SMO: variants seen among roughly 807,000 people sequenced by gnomAD.
SMO encodes the protein protein smoothened.
A neutral mutation model predicts 81.6 loss-of-function variants in SMO; 40 were observed. That is an observed-to-expected ratio of 0.49 (90% CI 0.38 to 0.64). SMO has a LOEUF of 0.64. Ranked by LOEUF, SMO falls within the 30% of genes least tolerant of loss-of-function variation. The probability of loss-of-function intolerance (pLI) is 0.00; values close to 1 mark genes in which losing one functional copy is unlikely to be tolerated. For missense variants in SMO, 916 were observed against 1,061.1 expected (o/e 0.86, Z 1.90); for synonymous variants, 434 against 432.1 (o/e 1.00, Z -0.05).
intron 1 of SMO, among the ~76,000 whole-genome samples, chr7:129,193,795 T>A (rs1423106377): frequency 1.2e-3 from 99 of 82,386 alleles, no homozygotes; most frequent in East Asian, 2.2e-3. Context: ...AATATATATA[T>A]ATATATATAT....
At position 129,203,534 on chromosome 7, in the gene SMO, G is replaced by A. The variant is rs773562190; in HGVS notation, c.482G>A (p.Arg161Gln). The A allele has an allele frequency of 4.4e-5, 70 of 1,606,440 alleles. No individual in the cohort carries two copies. Among genetic ancestry groups the A allele is most frequent in the Non-Finnish European group, 5.9e-5 (70 of 1,179,650 alleles). Residue 161 changes from arginine to glutamine, a missense_variant, in exon 2 of 12, where the codon CGG becomes CAG. Arg to Gln is a conservative substitution (Grantham distance 43). Around this residue, in one of 4 missense-constraint regions of SMO, gnomAD observed 436 missense variants for 570.9 expected, o/e 0.76. Coordinates refer to ENST00000249373, the MANE Select transcript of SMO (RefSeq NM_005631.5). The part of the protein sequence containing the change: ...RGPCAIVERE[R>Q]GWPDFLRCTP... ...CCCTGTGCCATCGTGGAGAGGGAGCGGGGCTGGCCTGACTTCCTGCGCTGC... is the reference window on the plus strand; with the variant it reads ...CCCTGTGCCATCGTGGAGAGGGAGCAGGGCTGGCCTGACTTCCTGCGCTGC...
Position 129,212,265 on chromosome 7 carries a change from A to T in SMO, c.2178A>T (p.Arg726=), listed in dbSNP as rs2150656942. 6.2e-7 allele frequency: 1 copy of T among 1,610,560 alleles called. No homozygotes were observed. Among genetic ancestry groups the T allele is most frequent in the African/African-American group, 1.3e-5 (1 of 74,982 alleles). ...AGAWGAGDSC[R]QGAWTLVSNP... ...CCTGGGGAGCTGGGGACTCTTGCCG[A>T]CAGGGAGCGTGGACCCTGGTCTCCA... The change falls in exon 12 of 12, where the codon CGA becomes CGT. Residue 726 remains arginine, a synonymous_variant. Transcript: ENST00000249373. This position sits in a 1 kb window ranked among gnomAD's most constrained non-coding sequence, Gnocchi z 5.0.
chr7:129,210,064 C>A lies in SMO; in HGVS notation c.1467-299C>A. ...CCCAGGCATCAGTAGCTATTAAAAG[C>A]TCCCCAGTTGATTCTAATGAGCACC... On this transcript the variant is annotated intron_variant, in intron 8 of 11. Transcript: ENST00000249373. This position sits in a 1 kb window ranked among gnomAD's most constrained non-coding sequence, Gnocchi z 4.7. 1 of 266,466 alleles carries A rather than the reference C, an allele frequency of 3.8e-6. No individual in the cohort carries two copies. The highest frequency in any genetic ancestry group is 7.3e-6 in the Non-Finnish European group (1 of 136,528). The allele number at this position is 266,466 out of a possible 1,614,324, so 16.5% of individuals were successfully genotyped here.
chr7:129,195,025 C>G (rs991395224), intron 1 of SMO, among the ~76,000 whole-genome samples: 4 of 152,158 alleles, frequency 2.6e-5, no homozygotes, highest in Non-Finnish European at 5.9e-5. Flanking sequence ...TCAGGTGAGC[C>G]ACCCGCCTCA....
Position 129,198,920 on chromosome 7 carries a change from T to C in SMO, c.332-4464T>C, listed in dbSNP as rs1476337462. ...AACCCTGAATAGTGTTCTATTATAA[T>C]GGTGTACATTATTTTACTTGGTTGG... is the stretch of plus-strand genomic sequence containing the variant. On this transcript the variant is annotated intron_variant, in intron 1 of 11. Coordinates refer to ENST00000249373, the MANE Select transcript of SMO (RefSeq NM_005631.5). Among the ~76,000 whole-genome samples, 5 of 152,246 alleles carry C rather than the reference T, an allele frequency of 3.3e-5. No individual in the cohort carries two copies. In the East Asian group the frequency reaches 9.6e-4, roughly 29 times the overall value.
rs2150653512 is a variant in SMO at position 129,210,316 on chromosome 7, G to A, written c.1467-47G>A. 3 of 1,492,640 alleles carry A rather than the reference G, an allele frequency of 2.0e-6. No individual in the cohort carries two copies. 92.5% of individuals were successfully genotyped at this position (1,492,640 alleles called of 1,614,324 possible). A position where few individuals can be genotyped will look rare whatever the true frequency, so the allele number is the denominator to read the frequency against. On this transcript the variant is annotated intron_variant, in intron 8 of 11. Coordinates refer to ENST00000249373, the MANE Select transcript of SMO (RefSeq NM_005631.5). The surrounding 1 kb of genome is among the most constrained non-coding windows in gnomAD (Gnocchi z 4.7). The stretch of plus-strand genomic sequence containing the variant: ...CAAGATCCTATCTCAAAAAAAGAGA[G>A]AGGAAAAGAAAGGAAAGCCTCACCT...
rs1177698100 is a variant in SMO at position 129,208,493 on chromosome 7, C to T, written c.1265-266C>T. 6.6e-6 allele frequency among the ~76,000 whole-genome samples: 1 copy of T among 152,012 alleles called. No homozygotes were observed. Among genetic ancestry groups the T allele is most frequent in the African/African-American group, 2.4e-5 (1 of 41,402 alleles). On this transcript the variant is annotated intron_variant, in intron 6 of 11. Coordinates refer to ENST00000249373, the MANE Select transcript of SMO (RefSeq NM_005631.5). The surrounding 1 kb of genome is among the most constrained non-coding windows in gnomAD (Gnocchi z 5.2). ...CGCTGTTCTTGAGTCTGTTTTATGT[C>T]TTTCCCATCAGAACAGCTTTGATCT... is the stretch of plus-strand genomic sequence containing the variant.
intron 2 of SMO, among the ~76,000 whole-genome samples, 191 bp from the exon 3 acceptor site, chr7:129,205,012 G>A (rs28648614): frequency 8.2e-5 from 4 of 48,488 alleles, no homozygotes; most frequent in Non-Finnish European, 1.6e-4. Context: ...AAAAAAGAAA[G>A]AAAAAAAGAA....
At chr7:129,197,006 G>GA (rs766480735) in intron 1 of SMO, among the ~76,000 whole-genome samples, 4 of 102,256 alleles carry the variant, frequency 3.9e-5, no homozygotes, top group Non-Finnish European at 7.3e-5. Flanking sequence ...AATACAGTGA[G>GA]ACACCGTCTC....
chr7:129,197,927 G>A (rs1793612455), intron 1 of SMO, among the ~76,000 whole-genome samples: 2 of 152,092 alleles, frequency 1.3e-5, no homozygotes, highest in Admixed American at 1.3e-4. Context: ...GGTAACACCC[G>A]TATTCCTGTT....
At position 129,189,619 on chromosome 7, in the gene SMO, G is replaced by A. The variant is rs116115552; in HGVS notation, c.331+137G>A. The A allele has an allele frequency of 1.7e-3, 1,629 of 940,602 alleles. 25 individuals are homozygous for A. The African/African-American group carries it at 0.025, about 15-fold the overall frequency. The allele number at this position is 940,602 out of a possible 1,614,324, so 58.3% of individuals were successfully genotyped here. A position where few individuals can be genotyped will look rare whatever the true frequency, so the allele number is the denominator to read the frequency against. The stretch of plus-strand genomic sequence containing the variant: ...CGGGAGAGTTGGAGGGACAGATCCC[G>A]AAACTTTGGGGGCAGGTTACGTGCA... On this transcript the variant is annotated intron_variant, in intron 1 of 11. Transcript: ENST00000249373. The surrounding 1 kb of genome is among the most constrained non-coding windows in gnomAD (Gnocchi z 4.7).
chr7:129,211,266 C>T lies in SMO; in HGVS notation c.1801+153C>T, dbSNP rs184050164. On this transcript the variant is annotated intron_variant, in intron 10 of 11. Transcript: ENST00000249373. This position sits in a 1 kb window ranked among gnomAD's most constrained non-coding sequence, Gnocchi z 4.6. ...ATCGCTCACACACCCATTCTTCCCC[C>T]GGCCCCTCCTACCCTCTGGGGGGCT... is the stretch of plus-strand genomic sequence containing the variant. The T allele has an allele frequency of 6.0e-4, 519 of 862,470 alleles. No individual in the cohort carries two copies. The highest frequency in any genetic ancestry group is 1.5e-3 in the Admixed American group (74 of 48,734). The allele number at this position is 862,470 out of a possible 1,614,324, so 53.4% of individuals were successfully genotyped here.
chr7:129,199,177 C>CTTTTCTT (rs1211957013), intron 1 of SMO, among the ~76,000 whole-genome samples: 27 of 107,840 alleles, frequency 2.5e-4, no homozygotes, highest in African/African-American at 8.4e-4. Context: ...ACGGTATTTT[C>CTTTTCTT]TTTTCTTTTT....
At chr7:129,192,450 G>A (rs926309605) in intron 1 of SMO, among the ~76,000 whole-genome samples, 1 of 152,220 alleles carries the variant, frequency 6.6e-6, no homozygotes, top group African/African-American at 2.4e-5. Context: ...TTTTAAGCAA[G>A]GGAGAGATGT....
Position 129,212,740 on chromosome 7 carries a change from G to T in SMO, c.*289G>T. On this transcript the variant is annotated 3_prime_UTR_variant, in exon 12 of 12. Transcript: ENST00000249373. The surrounding 1 kb of genome is among the most constrained non-coding windows in gnomAD (Gnocchi z 5.0). ...GCAGCATCTGCTCCATCGGGGCAGG[G>T]GGTATGCAGAGCTTGTGGTGGGGCA... 1 of 480,638 alleles carries T rather than the reference G, an allele frequency of 2.1e-6. No homozygotes were observed. Among genetic ancestry groups the T allele is most frequent in the Non-Finnish European group, 3.7e-6 (1 of 269,494 alleles). The allele number at this position is 480,638 out of a possible 1,614,324, so 29.8% of individuals were successfully genotyped here.
chr7:129,195,882 A>C (rs1453034629), intron 1 of SMO, among the ~76,000 whole-genome samples: 1 of 152,080 alleles, frequency 6.6e-6, no homozygotes, highest in Non-Finnish European at 1.5e-5. Context: ...TGGGCAGATC[A>C]CGAGGTCAGG....
chr7:129,197,468 C>T (rs1191502589), intron 1 of SMO, among the ~76,000 whole-genome samples: 1 of 152,070 alleles, frequency 6.6e-6, no homozygotes, highest in Non-Finnish European at 1.5e-5. Context: ...GTCACTGTCA[C>T]CGAGGCTGGA....
Position 129,212,257 on chromosome 7 carries a change from T to C in SMO, c.2170T>C (p.Ser724Pro), listed in dbSNP as rs1467038854. 2 of 1,607,304 alleles carry C rather than the reference T, an allele frequency of 1.2e-6. No individual in the cohort carries two copies. The highest frequency in any genetic ancestry group is 1.7e-5 in the Admixed American group (1 of 58,576). ...TGCAGGTGCCTGGGGAGCTGGGGAC[T>C]CTTGCCGACAGGGAGCGTGGACCCT... ...VAAGAWGAGD[S>P]CRQGAWTLVS... The change falls in exon 12 of 12, where the codon TCT (serine) becomes CCT (proline). Residue 724 changes from serine (S) to proline (P), a missense_variant. Coordinates refer to ENST00000249373, the MANE Select transcript of SMO (RefSeq NM_005631.5). The surrounding 1 kb of genome is among the most constrained non-coding windows in gnomAD (Gnocchi z 5.0).
chr7:129,197,089 AT>A (rs1323239669), intron 1 of SMO, among the ~76,000 whole-genome samples: 8 of 152,116 alleles, frequency 5.3e-5, no homozygotes, highest in African/African-American at 1.9e-4. Flanking sequence ...ATATATAGAA[AT>A]AAAATTGATT....
Sources: gnomAD v4.1 joint callset for allele counts (sites outside exome capture counted in the v4.1 genomes callset) on GRCh38, gnomAD v4.1.1 for gene constraint, gnomAD v4.1.1 regional missense constraint, Gnocchi (gnomAD v3.1) non-coding constraint, MANE v1.5 for transcripts, NCBI Gene and HGNC (gene_info 2026-07-23, HGNC 2026-07-21) for gene names.